The following TNR variants were observed in gnomAD, a reference collection of about 807,000 sequenced individuals.
TNR encodes the protein tenascin R.
A neutral mutation model predicts 150.4 loss-of-function variants in TNR; 45 were observed. The ratio of observed to expected loss-of-function variants is 0.30; its 90% CI spans 0.24 to 0.38. The LOEUF is 0.38. Ranked by LOEUF, TNR falls within the 10% of genes least tolerant of loss-of-function variation. The pLI is 1.00. For synonymous variants in TNR, 687 were observed against 678.4 expected (o/e 1.01, Z -0.20); for missense variants, 1,544 against 1,759.1 (o/e 0.88, Z 2.19).
chr1:175,494,852 G>T (rs1033916500), intron 2 of TNR, among the ~76,000 whole-genome samples: 1 of 152,154 alleles, frequency 6.6e-6, no homozygotes, highest in Non-Finnish European at 1.5e-5. Flanking sequence ...TTGGAGGAAG[G>T]ATGGCACACG....
At chr1:175,713,575 G>A (rs1353704361) in intron 1 of TNR, among the ~76,000 whole-genome samples, 1 of 152,244 alleles carries the variant, frequency 6.6e-6, no homozygotes, top group African/African-American at 2.4e-5. Context: ...GTTTCAACAT[G>A]AATTATGCTA....
At chr1:175,603,087 G>A (rs1346839337) in intron 1 of TNR, among the ~76,000 whole-genome samples, 1 of 152,184 alleles carries the variant, frequency 6.6e-6, no homozygotes, top group East Asian at 1.9e-4. Flanking sequence ...AATAGAAGTT[G>A]GTGTCAGTAA....
At chr1:175,455,947 C>T (rs863519) in intron 2 of TNR, among the ~76,000 whole-genome samples, 22,071 of 152,126 alleles carry the variant, frequency 0.15, 4,742 homozygotes, top group African/African-American at 0.48. Context: ...AACGGGGGCA[C>T]TATTAATAAT....
chr1:175,733,665 T>C (rs189532787), intron 1 of TNR, among the ~76,000 whole-genome samples: 2 of 152,276 alleles, frequency 1.3e-5, no homozygotes, highest in Admixed American at 1.3e-4. Context: ...GATTGACTGA[T>C]AGTGGTCTCC....
intron 2 of TNR, among the ~76,000 whole-genome samples, chr1:175,521,476 G>A (rs532298672): frequency 2.0e-5 from 3 of 152,310 alleles, no homozygotes; most frequent in East Asian, 1.9e-4. Context: ...CCAATTCTGC[G>A]TAGATCACTG....
At chr1:175,719,438 C>T (rs988305487) in intron 1 of TNR, among the ~76,000 whole-genome samples, 4 of 152,196 alleles carry the variant, frequency 2.6e-5, no homozygotes, top group Admixed American at 6.5e-5. Context: ...GAGTTTTGAG[C>T]CGAGGTTCCC....
chr1:175,640,766 A>AAT (rs1350709414), intron 1 of TNR, among the ~76,000 whole-genome samples: 2 of 146,276 alleles, frequency 1.4e-5, no homozygotes, highest in Admixed American at 6.7e-5. Context: ...GTTACAACTA[A>AAT]ATATATATAT....
intron 1 of TNR, among the ~76,000 whole-genome samples, chr1:175,601,067 TAC>T (rs1012704963): frequency 3.3e-5 from 5 of 152,240 alleles, no homozygotes; most frequent in Admixed American, 2.6e-4. Context: ...AACATATTTA[TAC>T]AGATTTATAT....
At chr1:175,348,015 G>A (rs7528850) in intron 18 of TNR, among the ~76,000 whole-genome samples, 99,385 of 151,554 alleles carry the variant, frequency 0.66, 33,371 homozygotes, top group East Asian at 0.77. Context: ...AAAAATTAAC[G>A]GAAACAATAG....
At chr1:175,344,346 T>G (rs1650671020) in intron 18 of TNR, among the ~76,000 whole-genome samples, 1 of 152,198 alleles carries the variant, frequency 6.6e-6, no homozygotes, top group African/African-American at 2.4e-5. Context: ...TTTTTTCTTT[T>G]GGTTTAACTT....
intron 2 of TNR, among the ~76,000 whole-genome samples, chr1:175,416,643 G>A (rs1407992499): frequency 6.6e-6 from 1 of 152,160 alleles, no homozygotes; most frequent in African/African-American, 2.4e-5. Context: ...TTGCCAGCCA[G>A]ACTGTAGCCC....
At chr1:175,380,885 G>C (rs770948179) in intron 8 of TNR, among the ~76,000 whole-genome samples, 1 of 152,202 alleles carries the variant, frequency 6.6e-6, no homozygotes, top group African/African-American at 2.4e-5. Context: ...AGAAAACCTC[G>C]AGTGGACTGT....
At chr1:175,490,583 T>C (rs1484522531) in intron 2 of TNR, among the ~76,000 whole-genome samples, 1 of 152,102 alleles carries the variant, frequency 6.6e-6, no homozygotes, top group Non-Finnish European at 1.5e-5. Context: ...ACTTCTCAAA[T>C]GAAGACATTC....
chr1:175,450,209 C>T (rs1656239525), intron 2 of TNR, among the ~76,000 whole-genome samples: 1 of 152,170 alleles, frequency 6.6e-6, no homozygotes, highest in South Asian at 2.1e-4. Context: ...AGAAAAACTT[C>T]CAATCTTGTC....
chr1:175,525,356 A>T lies in TNR; in HGVS notation c.-64+2913T>A, dbSNP rs114535048. 7.0e-3 allele frequency among the ~76,000 whole-genome samples: 1,064 copies of T among 152,318 alleles called. 13 individuals carry two copies. The highest frequency in any genetic ancestry group is 0.024 in the African/African-American group (1,012 of 41,558). ...TGAGAACAGACTAATACACATAGGG[A>T]ACAGCCATTTGAGCTCTGACTGATC... On this transcript the variant is annotated intron_variant, in intron 2 of 22. Coordinates refer to ENST00000367674, the MANE Select transcript of TNR (RefSeq NM_003285.3).
At chr1:175,565,648 T>C (rs1479611801) in intron 1 of TNR, among the ~76,000 whole-genome samples, 1 of 152,178 alleles carries the variant, frequency 6.6e-6, no homozygotes, top group African/African-American at 2.4e-5. Context: ...TAGACACACA[T>C]TGACTTTTTT....
chr1:175,421,800 A>G lies in TNR; in HGVS notation c.-63-15023T>C, dbSNP rs147522236. Among the ~76,000 whole-genome samples the G allele has an allele frequency of 1.1e-3, 174 of 152,282 alleles. 2 individuals are homozygous for G. Among genetic ancestry groups the G allele is most frequent in the Middle Eastern group, 3.4e-3 (1 of 294 alleles). On this transcript the variant is annotated intron_variant, in intron 2 of 22. Coordinates refer to ENST00000367674, the MANE Select transcript of TNR (RefSeq NM_003285.3). ...GGAAGGGAACATACCCACCAGCTTC[A>G]AGCTAAACTGATCAGATATGATTAT...
chr1:175,682,530 GTCCTGACTCCCACCA>G (rs1666066577), intron 1 of TNR, among the ~76,000 whole-genome samples: 1 of 152,094 alleles, frequency 6.6e-6, no homozygotes, highest in South Asian at 2.1e-4. Flanking sequence ...TCCACTGGAA[GTCCTGACTCCCACCA>G]TCTTCTGCCC....
intron 2 of TNR, among the ~76,000 whole-genome samples, chr1:175,439,594 C>A (rs967027457): frequency 6.6e-6 from 1 of 152,178 alleles, no homozygotes; most frequent in Non-Finnish European, 1.5e-5. Flanking sequence ...AGGCAACCTA[C>A]AGAATGGGAG....
Sources: gnomAD v4.1 joint callset for allele counts (sites outside exome capture counted in the v4.1 genomes callset) on GRCh38, gnomAD v4.1.1 for gene constraint, MANE v1.5 for transcripts, NCBI Gene and HGNC (gene_info 2026-07-23, HGNC 2026-07-21) for gene names.